Variants in PTPRF observed in about 807,000 individuals in gnomAD.
PTPRF encodes the protein receptor-type tyrosine-protein phosphatase F.
In PTPRF, 59 loss-of-function variants were observed where a neutral mutation model predicts 201.8. That is an observed-to-expected ratio of 0.29 (90% confidence interval 0.24 to 0.36). The LOEUF (loss-of-function observed/expected upper bound fraction) is 0.36, where lower values mean the gene tolerates loss of function less well. PTPRF is among the 10% of genes least tolerant of loss of function. PTPRF has a pLI of 1.00. For synonymous variants in PTPRF, 1,088 were observed against 1,089.7 expected, an observed-to-expected ratio of 1.00 and a Z score of 0.03; for missense variants, 2,132 against 2,690.5, an observed-to-expected ratio of 0.79 and a Z score of 4.59.
rs1054741904 is a variant in PTPRF, at chr1:43,588,383, C to G, written c.680-348C>G. 6.6e-6 allele frequency among the ~76,000 whole-genome samples: 1 copy of G among 152,202 alleles called. No individual in the cohort carries two copies. The highest frequency in any genetic ancestry group is 1.5e-5 in the Non-Finnish European group (1 of 68,036). On this transcript the variant is annotated intron_variant, in intron 7 of 33. Transcript: ENST00000359947. This position sits in a 1 kb window ranked among gnomAD's most constrained non-coding sequence, Gnocchi z 5.3. The stretch of plus-strand genomic sequence containing the variant: ...CTGGAGAACACCCTGGGTTGTGGTC[C>G]TGACCAGGCCTGGACCTTGTACTGA...
At chr1:43,613,531 A>G (rs1450539225) in intron 22 of PTPRF, 87 bp from the exon 23 acceptor site, 1 of 1,073,482 alleles carries the variant, frequency 9.3e-7, no homozygotes, top group African/African-American at 1.5e-5. Context: ...ACATGTTCAC[A>G]TGTGCACATA....
intron 6 of PTPRF, chr1:43,575,859 T>C: frequency 7.5e-7 from 1 of 1,338,166 alleles, no homozygotes; most frequent in Non-Finnish European, 9.9e-7. Context: ...TTCCTTCCTT[T>C]TATACTAATG....
In PTPRF at chr1:43,621,979, C is replaced by T; in HGVS notation, c.5700C>T (p.Gly1900=). The change falls in exon 34 of 34, where the codon GGC becomes GGT. Residue 1900 remains glycine, a synonymous_variant. Coordinates refer to ENST00000359947, the MANE Select transcript of PTPRF (RefSeq NM_002840.5). ...ACCGTGCGGCCCTGGAGTACCTCGG[C>T]AGCTTTGACCACTATGCAACGTAAC... The part of the protein sequence containing the change: ...LCYRAALEYL[G]SFDHYAT The T allele has an allele frequency of 1.2e-6, 2 of 1,614,168 alleles. No individual in the cohort carries two copies. Among genetic ancestry groups the T allele is most frequent in the South Asian group, 1.1e-5 (1 of 91,088 alleles).
At chr1:43,532,962 C>T (rs1463454235) in intron 1 of PTPRF, among the ~76,000 whole-genome samples, 1 of 152,232 alleles carries the variant, frequency 6.6e-6, no homozygotes, top group Non-Finnish European at 1.5e-5. Context: ...CTCAAGAAAT[C>T]TGTGCCTGCA....
At position 43,604,985 on chromosome 1, in the gene PTPRF, A is replaced by G. The variant is rs1419672102; in HGVS notation, c.3120A>G (p.Ser1040=). The G allele has an allele frequency of 1.9e-6, 3 of 1,614,132 alleles. No individual in the cohort carries two copies. Among genetic ancestry groups the G allele is most frequent in the Non-Finnish European group, 2.5e-6 (3 of 1,180,030 alleles). The change falls in exon 17 of 34, where the codon TCA becomes TCG. Residue 1040 remains serine, a synonymous_variant. Transcript: ENST00000359947. The part of the protein sequence containing the change: ...LSWEVPDSYK[S]AVPFKILYNG... The stretch of plus-strand genomic sequence containing the variant: ...GGGAGGTTCCCGACTCCTATAAGTC[A>G]GCTGTGCCCTTTAAGGTGAGTAAGG...
intron 7 of PTPRF, chr1:43,579,245 C>T: frequency 1.8e-6 from 1 of 562,646 alleles, no homozygotes; most frequent in Non-Finnish European, 3.5e-6. Flanking sequence ...GGTGTATGTG[C>T]ATGTGTGTGT....
Position 43,597,746 on chromosome 1 carries a change from A to AC in PTPRF, c.1814-2_1814-1insC. 1 of 744,548 alleles carries AC rather than the reference A, an allele frequency of 1.3e-6. No homozygotes were observed. Among genetic ancestry groups the AC allele is most frequent in the Admixed American group, 4.5e-5 (1 of 22,398 alleles). The allele number at this position is 744,548 out of a possible 1,614,324, so 46.1% of individuals were successfully genotyped here. A position where few individuals can be genotyped will look rare whatever the true frequency, so the allele number is the denominator to read the frequency against. On this transcript the variant is annotated splice_acceptor_variant, in intron 11 of 33. Transcript: ENST00000359947. LOFTEE classifies it high-confidence loss of function. ...TGCTTCCCCCCCATTTGTCTTCCCC[A>AC]GCCCCCTCCGCCCCTCCCCAGAAGG...
rs771269220 is a variant in PTPRF at position 43,597,976 on chromosome 1, G to A, written c.2042G>A (p.Arg681Gln). Residue 681 changes from arginine (R) to glutamine (Q), a missense_variant, in exon 12 of 34, where the codon CGG becomes CAG. This residue lies in a region of PTPRF where 125 missense variants were observed against 211.9 expected (regional missense o/e 0.59). Coordinates refer to ENST00000359947, the MANE Select transcript of PTPRF (RefSeq NM_002840.5). ...GGCCTGGAGAAGTGGACGGAGTACC[G>A]GGTGTGGGTGCGGGCACACACAGAC... is the stretch of plus-strand genomic sequence containing the variant. ...LVGLEKWTEY[R>Q]VWVRAHTDVG... 28 of 1,550,874 alleles carry A rather than the reference G, an allele frequency of 1.8e-5. 1 individual carries two copies. Among genetic ancestry groups the A allele is most frequent in the South Asian group, 1.5e-4 (13 of 83,940 alleles).
At position 43,619,727 on chromosome 1, in the gene PTPRF, C is replaced by T; in HGVS notation, c.4980C>T (p.Asn1660=). 1 of 1,614,262 alleles carries T rather than the reference C, an allele frequency of 6.2e-7. No individual in the cohort carries two copies. Among genetic ancestry groups the T allele is most frequent in the South Asian group, 1.1e-5 (1 of 91,092 alleles). ...ACACGTCCCGCTTCATCAGCGCCAACCTGCCCTGCAACAAGTTCAAGAACC... is the reference window on the plus strand; with the variant it reads ...ACACGTCCCGCTTCATCAGCGCCAATCTGCCCTGCAACAAGTTCAAGAACC... The part of the protein sequence containing the change: ...KAHTSRFISA[N]LPCNKFKNRL... The change falls in exon 29 of 34, where the codon AAC becomes AAT. Residue 1660 remains asparagine (N), a synonymous_variant. Transcript: ENST00000359947.
intron 5 of PTPRF, among the ~76,000 whole-genome samples, chr1:43,558,476 C>A (rs940563116): frequency 2.0e-5 from 3 of 152,146 alleles, no homozygotes; most frequent in African/African-American, 7.2e-5. Flanking sequence ...CCCTTGACAC[C>A]CCCGCCAGGA....
At chr1:43,551,221 C>T (rs934563702) in intron 3 of PTPRF, among the ~76,000 whole-genome samples, 4 of 150,916 alleles carry the variant, frequency 2.7e-5, no homozygotes, top group South Asian at 2.1e-4. Flanking sequence ...GGTGTGGCAG[C>T]GCAGGTGGAG....
intron 11 of PTPRF, among the ~76,000 whole-genome samples, chr1:43,593,192 T>C (rs111722595): frequency 1.4e-5 from 2 of 139,392 alleles, no homozygotes; most frequent in Non-Finnish European, 3.3e-5. Context: ...TGCAAGGCTG[T>C]CTGTGTGAGA....
intron 16 of PTPRF, 106 bp from the exon 17 acceptor site, chr1:43,604,797 T>C: frequency 3.2e-6 from 3 of 949,722 alleles, no homozygotes; most frequent in Non-Finnish European, 5.0e-6. Flanking sequence ...TTCAACCCCC[T>C]GTTCCCCAAC....
At chr1:43,533,281 C>A (rs1643791101) in intron 1 of PTPRF, among the ~76,000 whole-genome samples, 1 of 152,114 alleles carries the variant, frequency 6.6e-6, no homozygotes, top group Non-Finnish European at 1.5e-5. Flanking sequence ...TACAAGGCTG[C>A]CAAGAGAGGA....
chr1:43,567,008 G>A (rs1210005856), intron 5 of PTPRF, among the ~76,000 whole-genome samples: 1 of 152,168 alleles, frequency 6.6e-6, no homozygotes, highest in Non-Finnish European at 1.5e-5. Context: ...AGTAGATTCC[G>A]AGACACAGGG....
intron 5 of PTPRF, among the ~76,000 whole-genome samples, chr1:43,562,705 C>G (rs1045518779): frequency 6.6e-6 from 1 of 152,088 alleles, no homozygotes; most frequent in African/African-American, 2.4e-5. Flanking sequence ...AGCCACTGCT[C>G]CTGGCCAAAT....
At chr1:43,555,502 G>A (rs1393521355) in intron 5 of PTPRF, among the ~76,000 whole-genome samples, 1 of 134,930 alleles carries the variant, frequency 7.4e-6, no homozygotes, top group Non-Finnish European at 1.5e-5. Flanking sequence ...CTGGAGTCCC[G>A]TGGTGCCATC....
At chr1:43,560,731 C>A (rs1003687156) in intron 5 of PTPRF, among the ~76,000 whole-genome samples, 1 of 152,136 alleles carries the variant, frequency 6.6e-6, no homozygotes, top group Non-Finnish European at 1.5e-5. Context: ...CTGTTGTGGT[C>A]GACCTCAGCA....
chr1:43,600,792 T>G (rs1653560701), intron 13 of PTPRF, among the ~76,000 whole-genome samples: 2 of 152,096 alleles, frequency 1.3e-5, no homozygotes, highest in Admixed American at 1.3e-4. Context: ...GCTCTTTCTC[T>G]TCTCTCTCCT....
Sources: gnomAD v4.1 joint callset for allele counts (sites outside exome capture counted in the v4.1 genomes callset) on GRCh38, gnomAD v4.1.1 for gene constraint, gnomAD v4.1.1 regional missense constraint, Gnocchi (gnomAD v3.1) non-coding constraint, MANE v1.5 for transcripts, NCBI Gene and HGNC (gene_info 2026-07-23, HGNC 2026-07-21) for gene names.